The following HIVEP3 variants were observed in gnomAD, a reference collection of about 807,000 sequenced individuals.
The protein encoded by HIVEP3 is HIVEP zinc finger 3.
Under a neutral mutation model 152.8 loss-of-function variants are expected in HIVEP3, and 49 were observed. That is an observed-to-expected ratio of 0.32 (90% CI 0.26 to 0.41). The LOEUF (loss-of-function observed/expected upper bound fraction) is 0.41. HIVEP3 is among the 10% of genes least tolerant of loss of function. HIVEP3 has a pLI of 1.00. For synonymous variants in HIVEP3, 1,269 were observed against 1,289.0 expected (o/e 0.98, Z 0.33); for missense variants, 2,790 against 3,103.3 (o/e 0.90, Z 2.40).
chr1:41,988,339 G>A (rs532844503), intron 1 of HIVEP3, among the ~76,000 whole-genome samples: 13 of 152,154 alleles, frequency 8.5e-5, no homozygotes, highest in African/African-American at 3.1e-4. Flanking sequence ...CATCTGATAT[G>A]GGTTAATACC....
intron 2 of HIVEP3, among the ~76,000 whole-genome samples, chr1:41,683,018 G>A (rs1343794642): frequency 6.6e-6 from 1 of 152,222 alleles, no homozygotes; most frequent in African/African-American, 2.4e-5. Context: ...TTTACAAGAG[G>A]ACTAAGTGGA....
intron 1 of HIVEP3, among the ~76,000 whole-genome samples, chr1:41,769,302 G>A (rs1251730030): frequency 3.3e-5 from 5 of 152,170 alleles, no homozygotes. Context: ...TAGTGACTCA[G>A]GGTTACTGCT....
chr1:41,566,672 C>G (rs1644168340), intron 5 of HIVEP3, among the ~76,000 whole-genome samples: 1 of 152,196 alleles, frequency 6.6e-6, no homozygotes, highest in Non-Finnish European at 1.5e-5. Context: ...CACCAGTCAC[C>G]TGCACAGGGC....
intron 1 of HIVEP3, among the ~76,000 whole-genome samples, chr1:41,704,740 G>A (rs1360657663): frequency 3.3e-5 from 5 of 152,206 alleles, no homozygotes; most frequent in African/African-American, 7.2e-5. Flanking sequence ...CCTTAACTAT[G>A]AGCACATGTC....
intron 1 of HIVEP3, among the ~76,000 whole-genome samples, chr1:41,972,997 A>G (rs1454362929): frequency 3.9e-5 from 6 of 152,140 alleles, no homozygotes; most frequent in Non-Finnish European, 5.9e-5. Flanking sequence ...TTTCCAGGCA[A>G]AGAAGATAGA....
chr1:41,647,785 T>C (rs1037800901), intron 2 of HIVEP3, among the ~76,000 whole-genome samples: 1 of 152,250 alleles, frequency 6.6e-6, no homozygotes, highest in Non-Finnish European at 1.5e-5. Flanking sequence ...AATCGCTCCT[T>C]CTTGGATCTC....
At chr1:41,549,906 T>A (rs1322238258) in intron 5 of HIVEP3, among the ~76,000 whole-genome samples, 1 of 152,238 alleles carries the variant, frequency 6.6e-6, no homozygotes, top group Admixed American at 6.5e-5. Flanking sequence ...ATTTTGGCTT[T>A]TGTTGCCATT....
At chr1:41,750,945 T>G (rs1647151032) in intron 1 of HIVEP3, among the ~76,000 whole-genome samples, 1 of 152,112 alleles carries the variant, frequency 6.6e-6, no homozygotes, top group Non-Finnish European at 1.5e-5. Context: ...AACTTCTGAC[T>G]TCAAGTGATC....
intron 5 of HIVEP3, among the ~76,000 whole-genome samples, chr1:41,546,468 C>A (rs978801778): frequency 2.0e-5 from 3 of 152,230 alleles, no homozygotes; most frequent in Admixed American, 6.5e-5. Context: ...GACCTGGCAT[C>A]ATTCTCAGAA....
rs370036284 is a variant in HIVEP3 at position 41,547,482 on chromosome 1, A to C, written c.5208-22572T>G. On this transcript the variant is annotated intron_variant, in intron 5 of 8. Coordinates refer to ENST00000372583, the MANE Select transcript of HIVEP3 (RefSeq NM_024503.5). Reference sequence around the variant, plus strand: ...GGAAATGGCCCTGCAGGTGGAGGGGATGGCAGGAGCAAAGGCACAGAGGCA... The same window carrying C: ...GGAAATGGCCCTGCAGGTGGAGGGGCTGGCAGGAGCAAAGGCACAGAGGCA... 7.2e-5 allele frequency among the ~76,000 whole-genome samples: 11 copies of C among 151,970 alleles called. No homozygotes were observed. In the East Asian group the frequency reaches 1.7e-3, roughly 24 times the overall value.
At chr1:41,753,720 A>C (rs2124229110) in intron 1 of HIVEP3, among the ~76,000 whole-genome samples, 2 of 145,086 alleles carry the variant, frequency 1.4e-5, no homozygotes, top group South Asian at 4.4e-4. Flanking sequence ...AATAGAAAAC[A>C]ATGGAAGCGT....
intron 1 of HIVEP3, among the ~76,000 whole-genome samples, chr1:41,820,441 T>C (rs1463130668): frequency 6.6e-6 from 1 of 152,164 alleles, no homozygotes; most frequent in Non-Finnish European, 1.5e-5. Flanking sequence ...ATACATGTTG[T>C]CCCCATAGAC....
At chr1:41,996,176 T>TGAGGCCAGGAGTTC (rs1209012706) in intron 1 of HIVEP3, among the ~76,000 whole-genome samples, 1 of 151,650 alleles carries the variant, frequency 6.6e-6, no homozygotes, top group Middle Eastern at 3.2e-3. Flanking sequence ...GAGGATCAAT[T>TGAGGCCAGGAGTTC]GAGGCCAGGA....
At chr1:41,846,054 A>T (rs184435234) in intron 1 of HIVEP3, among the ~76,000 whole-genome samples, 13 of 152,266 alleles carry the variant, frequency 8.5e-5, no homozygotes, top group Admixed American at 1.3e-4. Context: ...ACAGAGTGAG[A>T]CTCCATCTCA....
intron 5 of HIVEP3, among the ~76,000 whole-genome samples, chr1:41,527,656 C>CCA (rs144779792): frequency 8.3e-6 from 1 of 120,984 alleles, no homozygotes; most frequent in Admixed American, 8.4e-5. Context: ...CTCACACACC[C>CCA]GTTCTCACAC....
chr1:41,703,653 G>A lies in HIVEP3; in HGVS notation c.-800-2658C>T, dbSNP rs111582288. On this transcript the variant is annotated intron_variant, in intron 1 of 8. Transcript: ENST00000372583. ...TATTATTTGTATTATTATTTGTGAC[G>A]TATCTCCTGCACCTAGCATAAGACC... Among the ~76,000 whole-genome samples the A allele has an allele frequency of 6.6e-3, 1,002 of 152,240 alleles. 14 individuals carry two copies. The highest frequency in any genetic ancestry group is 0.023 in the African/African-American group (961 of 41,532).
intron 1 of HIVEP3, among the ~76,000 whole-genome samples, chr1:41,932,595 TA>T (rs1251640474): frequency 6.6e-6 from 1 of 151,968 alleles, no homozygotes; most frequent in African/African-American, 2.4e-5. Context: ...AGAAGTTCAC[TA>T]ATTTTGCTGA....
intron 3 of HIVEP3, among the ~76,000 whole-genome samples, chr1:41,600,329 T>G (rs1352193834): frequency 2.0e-5 from 3 of 152,222 alleles, no homozygotes; most frequent in African/African-American, 7.2e-5. Context: ...TGTCCATTGA[T>G]GAATGAATGG....
At chr1:41,756,360 G>A (rs1647306616) in intron 1 of HIVEP3, among the ~76,000 whole-genome samples, 1 of 151,644 alleles carries the variant, frequency 6.6e-6, no homozygotes, top group African/African-American at 2.4e-5. Context: ...CTTGATTTTG[G>A]TGAATCTACA....
Sources: gnomAD v4.1 joint callset for allele counts (sites outside exome capture counted in the v4.1 genomes callset) on GRCh38, gnomAD v4.1.1 for gene constraint, MANE v1.5 for transcripts, NCBI Gene and HGNC (gene_info 2026-07-23, HGNC 2026-07-21) for gene names.